The following MGAT4C variants were observed in gnomAD, a reference collection of about 807,000 sequenced individuals.
The protein encoded by MGAT4C is MGAT4 family member C, also known as alpha-1,3-mannosyl-glycoprotein 4-beta-N-acetylglucosaminyltransferase C.
MGAT4C carries 19 observed loss-of-function variants against 40.1 expected under a neutral mutation model. That is an observed-to-expected ratio of 0.47 (90% CI 0.33 to 0.70). The LOEUF (loss-of-function observed/expected upper bound fraction) is 0.70, where lower values mean the gene tolerates loss of function less well. Ranked by LOEUF, MGAT4C falls within the 30% of genes least tolerant of loss-of-function variation. MGAT4C has a pLI of 0.02. For synonymous variants in MGAT4C, 181 were observed against 187.1 expected, an observed-to-expected ratio of 0.97 and a Z score of 0.27; for missense variants, 491 against 563.2, an observed-to-expected ratio of 0.87 and a Z score of 1.30.
At chr12:86,733,853 TG>T (rs1425548140) in intron 1 of MGAT4C, among the ~76,000 whole-genome samples, 1 of 152,026 alleles carries the variant, frequency 6.6e-6, no homozygotes, top group Non-Finnish European at 1.5e-5. Flanking sequence ...CTAAGCAAAA[TG>T]GGAATGTAAT....
chr12:86,319,972 G>C lies in MGAT4C; in HGVS notation c.-57+14093C>G, dbSNP rs1052018075. Among the ~76,000 whole-genome samples the C allele has an allele frequency of 2.0e-5, 3 of 152,154 alleles. No individual in the cohort carries two copies. The East Asian group carries it at 5.8e-4, about 29-fold the overall frequency. ...ATTCACGATGTACTGAGTGAATTTA[G>C]TTTTACAGAGAACCAGTTCCGTGGT... is the stretch of plus-strand genomic sequence containing the variant. On this transcript the variant is annotated intron_variant, in intron 4 of 7. Transcript: ENST00000548651.
chr12:86,472,731 T>A (rs1957773765), intron 2 of MGAT4C, among the ~76,000 whole-genome samples: 1 of 152,280 alleles, frequency 6.6e-6, no homozygotes, highest in East Asian at 1.9e-4. Flanking sequence ...AAGTTTTGTA[T>A]TAGAAGCAGT....
At chr12:86,385,855 T>C (rs1956039542) in intron 3 of MGAT4C, among the ~76,000 whole-genome samples, 2 of 152,212 alleles carry the variant, frequency 1.3e-5, no homozygotes, top group Admixed American at 6.5e-5. Flanking sequence ...CTAAGATGTG[T>C]GTCTTCTGTG....
chr12:86,239,018 AG>A (rs1234980348), intron 1 of MGAT4C, among the ~76,000 whole-genome samples: 1 of 152,134 alleles, frequency 6.6e-6, no homozygotes, highest in African/African-American at 2.4e-5. Context: ...ATGATATTAA[AG>A]GGTGACCCTT....
At chr12:86,097,269 T>C (rs945339467) in intron 1 of MGAT4C, among the ~76,000 whole-genome samples, 5 of 151,648 alleles carry the variant, frequency 3.3e-5, no homozygotes, top group Non-Finnish European at 4.4e-5. Context: ...GAACCATTGA[T>C]AAGAGGAAAG....
rs143588771 is a variant in MGAT4C at position 86,780,613 on chromosome 12, G to C, written c.-261-53372C>G. Among the ~76,000 whole-genome samples, 124 of 152,226 alleles carry C rather than the reference G, an allele frequency of 8.1e-4. 3 individuals are homozygous for C. Among genetic ancestry groups the C allele is most frequent in the African/African-American group, 1.8e-3 (74 of 41,532 alleles). ...CTGCCATGATTGTTAAGTTTCCTGA[G>C]CCTCTCAGCCATGCTTCGTGTACAG... On this transcript the variant is annotated intron_variant, in intron 1 of 7. Coordinates refer to the MGAT4C transcript ENST00000548651.
At chr12:86,484,845 G>A (rs1283810592) in intron 2 of MGAT4C, among the ~76,000 whole-genome samples, 2 of 152,152 alleles carry the variant, frequency 1.3e-5, no homozygotes, top group Non-Finnish European at 2.9e-5. Flanking sequence ...GGCTTGGTGA[G>A]TGGGGTCAGG....
intron 1 of MGAT4C, among the ~76,000 whole-genome samples, chr12:86,226,822 G>A (rs896936286): frequency 1.3e-5 from 2 of 151,722 alleles, no homozygotes; most frequent in Non-Finnish European, 2.9e-5. Flanking sequence ...CTACTATAAT[G>A]TCCATATCAG....
chr12:86,716,584 T>C (rs901682383), intron 2 of MGAT4C, among the ~76,000 whole-genome samples: 1 of 152,072 alleles, frequency 6.6e-6, no homozygotes, highest in African/African-American at 2.4e-5. Flanking sequence ...GGTAAACTCA[T>C]TGAGAAGTTA....
At chr12:86,007,488 G>T (rs1888010146) in intron 2 of MGAT4C, among the ~76,000 whole-genome samples, 1 of 151,958 alleles carries the variant, frequency 6.6e-6, no homozygotes, top group South Asian at 2.1e-4. Flanking sequence ...GGTCTAATGG[G>T]CTCATATGTT....
intron 3 of MGAT4C, among the ~76,000 whole-genome samples, chr12:86,338,958 C>CAAAAAAAA (rs67462771): frequency 1.4e-4 from 9 of 66,116 alleles, no homozygotes; most frequent in Admixed American, 4.8e-4. Context: ...GACTCCATCT[C>CAAAAAAAA]AAAAAAAAAA....
At chr12:86,251,370 T>G (rs1358324746) in intron 1 of MGAT4C, among the ~76,000 whole-genome samples, 1 of 151,868 alleles carries the variant, frequency 6.6e-6, no homozygotes, top group East Asian at 1.9e-4. Flanking sequence ...TCCCATAAAG[T>G]TTTTGGTTTT....
intron 2 of MGAT4C, among the ~76,000 whole-genome samples, chr12:86,569,594 G>A (rs1490044059): frequency 6.6e-6 from 1 of 152,012 alleles, no homozygotes; most frequent in African/African-American, 2.4e-5. Context: ...TGCTATGAGT[G>A]TTAATTATCA....
intron 2 of MGAT4C, among the ~76,000 whole-genome samples, chr12:86,591,753 C>T (rs988008044): frequency 1.3e-4 from 19 of 151,338 alleles, no homozygotes; most frequent in Non-Finnish European, 2.7e-4. Flanking sequence ...AATATATTAC[C>T]TTTTGCAAAT....
chr12:86,796,427 C>T (rs546887704), intron 1 of MGAT4C, among the ~76,000 whole-genome samples: 1 of 151,932 alleles, frequency 6.6e-6, no homozygotes, highest in African/African-American at 2.4e-5. Flanking sequence ...CATGGATGAA[C>T]CTGGAGGACA....
intron 4 of MGAT4C, among the ~76,000 whole-genome samples, chr12:86,306,368 A>C (rs1366736452): frequency 1.3e-5 from 2 of 150,644 alleles, no homozygotes; most frequent in Non-Finnish European, 2.9e-5. Flanking sequence ...TAGCAATAAA[A>C]ATGAAGTAAT....
chr12:86,557,540 C>T (rs905578443), intron 2 of MGAT4C, among the ~76,000 whole-genome samples: 1 of 152,130 alleles, frequency 6.6e-6, no homozygotes, highest in African/African-American at 2.4e-5. Flanking sequence ...CACCTGATGT[C>T]CCTATTCTTA....
At chr12:86,803,828 C>A (rs1952283428) in intron 1 of MGAT4C, among the ~76,000 whole-genome samples, 2 of 150,884 alleles carry the variant, frequency 1.3e-5, no homozygotes, top group Admixed American at 1.3e-4. Context: ...GGACTGTAAA[C>A]TAGTTCAACC....
chr12:86,430,244 C>A (rs1247657049), intron 3 of MGAT4C, among the ~76,000 whole-genome samples: 1 of 152,152 alleles, frequency 6.6e-6, no homozygotes, highest in Non-Finnish European at 1.5e-5. Context: ...TTATCTGCTA[C>A]AGATTTCTAG....
Sources: allele counts gnomAD v4.1 joint callset (sites outside exome capture counted in the v4.1 genomes callset), GRCh38; gene constraint gnomAD v4.1.1; transcripts MANE v1.5; gene names NCBI Gene and HGNC (gene_info 2026-07-23, HGNC 2026-07-21).